ZBTB20: variants seen among roughly 807,000 people sequenced by gnomAD.
The protein encoded by ZBTB20 is zinc finger and BTB domain containing 20.
In ZBTB20, 9 loss-of-function variants were observed where a neutral mutation model predicts 56.9. The ratio of observed to expected loss-of-function variants is 0.16; its 90% confidence interval spans 0.10 to 0.28. ZBTB20 has a LOEUF of 0.28. Ranked by LOEUF, ZBTB20 falls within the 10% of genes least tolerant of loss-of-function variation. The pLI, the probability that ZBTB20 is intolerant of heterozygous loss-of-function variation, is 1.00. For missense variants in ZBTB20, 655 were observed against 1,003.0 expected (o/e 0.65, Z 4.69); for synonymous variants, 417 against 420.7 (o/e 0.99, Z 0.11).
intron 3 of ZBTB20, among the ~76,000 whole-genome samples, chr3:114,966,011 T>C (rs565635443): frequency 5.9e-5 from 9 of 152,144 alleles, no homozygotes; most frequent in Admixed American, 1.3e-4. Context: ...GAGGCAAACA[T>C]TTCCTTAAAA....
intron 4 of ZBTB20, among the ~76,000 whole-genome samples, chr3:114,871,096 G>C (rs2075990785): frequency 6.6e-6 from 1 of 152,076 alleles, no homozygotes; most frequent in Admixed American, 6.6e-5. Context: ...AAAGGAGAAG[G>C]CCATGACTAC....
intron 6 of ZBTB20, among the ~76,000 whole-genome samples, chr3:114,624,372 A>C (rs931555375): frequency 1.4e-4 from 21 of 151,352 alleles, no homozygotes; most frequent in African/African-American, 4.9e-4. Context: ...AAAAAAAAAA[A>C]CCCATCCCGT....
chr3:115,102,556 G>A (rs1401439848), intron 1 of ZBTB20: 3 of 151,702 alleles, frequency 2.0e-5, no homozygotes, highest in Non-Finnish European at 1.5e-5. Context: ...TTTATTCAAG[G>A]AGAAGACGTA....
rs140438828 is a variant in ZBTB20 at position 114,984,306 on chromosome 3, G to A, written c.-506-9890C>T. Among the ~76,000 whole-genome samples, 176 of 151,998 alleles carry A rather than the reference G, an allele frequency of 1.2e-3. 1 individual carries two copies. In the East Asian group the frequency reaches 0.03, roughly 26 times the overall value. ...GTTTTAGGGTACATGTGCACAATGCGCAGTTTAGTTACATATGTATACATG... is the reference window on the plus strand; with the variant it reads ...GTTTTAGGGTACATGTGCACAATGCACAGTTTAGTTACATATGTATACATG... On this transcript the variant is annotated intron_variant, in intron 2 of 11. Transcript: ENST00000675478.
intron 5 of ZBTB20, among the ~76,000 whole-genome samples, chr3:114,773,881 T>G (rs2069399494): frequency 6.6e-6 from 1 of 152,206 alleles, no homozygotes; most frequent in African/African-American, 2.4e-5. Context: ...TTATTTATTT[T>G]TATATGTCAT....
chr3:114,490,399 T>A (rs1159616569), intron 7 of ZBTB20, among the ~76,000 whole-genome samples: 2 of 152,086 alleles, frequency 1.3e-5, no homozygotes, highest in Non-Finnish European at 2.9e-5. Context: ...TTTTTTGTAT[T>A]TTTAGTAGAG....
chr3:114,385,191 C>A (rs1020193095), intron 8 of ZBTB20, among the ~76,000 whole-genome samples: 4 of 152,098 alleles, frequency 2.6e-5, no homozygotes, highest in African/African-American at 9.7e-5. Flanking sequence ...ATAATTTAGA[C>A]CAGTGATGCC....
chr3:114,450,037 G>A (rs2091504945), intron 7 of ZBTB20, among the ~76,000 whole-genome samples: 1 of 152,192 alleles, frequency 6.6e-6, no homozygotes, highest in South Asian at 2.1e-4. Flanking sequence ...AGTGTAATGT[G>A]CAAGCCTTAA....
intron 3 of ZBTB20, among the ~76,000 whole-genome samples, chr3:114,953,331 A>G (rs1452449767): frequency 3.3e-5 from 5 of 152,078 alleles, no homozygotes; most frequent in African/African-American, 1.2e-4. Flanking sequence ...AGAAACAAAC[A>G]GAAAACAAAA....
intron 4 of ZBTB20, among the ~76,000 whole-genome samples, chr3:114,860,497 A>G (rs1277218446): frequency 6.6e-6 from 1 of 152,218 alleles, no homozygotes; most frequent in East Asian, 1.9e-4. Flanking sequence ...CAGCATTACC[A>G]GAACAATCAG....
chr3:114,860,559 C>T (rs1311176596), intron 4 of ZBTB20, among the ~76,000 whole-genome samples: 2 of 152,098 alleles, frequency 1.3e-5, no homozygotes, highest in South Asian at 2.1e-4. Flanking sequence ...CAACAGATAG[C>T]CCTCATACTC....
At chr3:114,402,725 T>G (rs552993165) in intron 7 of ZBTB20, among the ~76,000 whole-genome samples, 1 of 152,306 alleles carries the variant, frequency 6.6e-6, no homozygotes, top group South Asian at 2.1e-4. Context: ...GTGGACTAAA[T>G]GTTTTAATAA....
At chr3:115,010,372 C>A (rs1050011058) in intron 2 of ZBTB20, among the ~76,000 whole-genome samples, 3 of 151,922 alleles carry the variant, frequency 2.0e-5, no homozygotes, top group Non-Finnish European at 2.9e-5. Flanking sequence ...GTGGTGATGG[C>A]CACAAGGGAG....
intron 6 of ZBTB20, among the ~76,000 whole-genome samples, chr3:114,561,954 T>C (rs1474688506): frequency 6.6e-6 from 1 of 152,182 alleles, no homozygotes; most frequent in Non-Finnish European, 1.5e-5. Flanking sequence ...TTATCTTAGC[T>C]AGATCATCCA....
At chr3:114,797,316 C>G (rs1005727480) in intron 5 of ZBTB20, among the ~76,000 whole-genome samples, 1 of 151,676 alleles carries the variant, frequency 6.6e-6, no homozygotes, top group African/African-American at 2.4e-5. Context: ...AAAACTGATC[C>G]TCCCATACAT....
At chr3:114,377,205 T>C (rs1468068053) in intron 10 of ZBTB20, among the ~76,000 whole-genome samples, 1 of 152,118 alleles carries the variant, frequency 6.6e-6, no homozygotes, top group East Asian at 1.9e-4. Context: ...ATTATCACCA[T>C]GTGAATTTGC....
At chr3:115,140,456 C>T (rs940310623) in intron 1 of ZBTB20, among the ~76,000 whole-genome samples, 5 of 151,992 alleles carry the variant, frequency 3.3e-5, no homozygotes, top group African/African-American at 1.2e-4. Context: ...TATGCTTTAT[C>T]TTAAATCAAA....
chr3:114,539,448 C>T (rs2048860092), intron 6 of ZBTB20, among the ~76,000 whole-genome samples: 1 of 152,066 alleles, frequency 6.6e-6, no homozygotes. Context: ...ATACACAGCT[C>T]TTATTTGCTT....
intron 6 of ZBTB20, among the ~76,000 whole-genome samples, chr3:114,652,450 T>G (rs138781644): frequency 6.6e-6 from 1 of 152,162 alleles, no homozygotes; most frequent in East Asian, 1.9e-4. Flanking sequence ...ACAAATAAAG[T>G]CAGTATAAAC....
Sources: allele counts gnomAD v4.1 joint callset (sites outside exome capture counted in the v4.1 genomes callset), GRCh38; gene constraint gnomAD v4.1.1; transcripts MANE v1.5; gene names NCBI Gene and HGNC (gene_info 2026-07-23, HGNC 2026-07-21).